PTCHD4: variants seen among roughly 807,000 people sequenced by gnomAD.
PTCHD4 encodes patched domain containing 4.
Under a neutral mutation model 58.1 loss-of-function variants are expected in PTCHD4, and 33 were observed. The observed-to-expected ratio is 0.57, with a 90% CI of 0.43 to 0.76. The LOEUF (loss-of-function observed/expected upper bound fraction) is 0.76. PTCHD4 is among the 30% of genes least tolerant of loss of function. The pLI, the probability that PTCHD4 is intolerant of heterozygous loss-of-function variation, is 0.00. For missense variants in PTCHD4, 1,058 were observed against 1,027.1 expected (o/e 1.03, Z -0.41); for synonymous variants, 478 against 409.6 (o/e 1.17, Z -2.02).
At chr6:47,981,081 C>T (rs777430729) in intron 4 of PTCHD4, among the ~76,000 whole-genome samples, 2 of 152,224 alleles carry the variant, frequency 1.3e-5, no homozygotes, top group South Asian at 4.2e-4. Context: ...GATCACCTGT[C>T]TTTAGCCTTC....
chr6:47,884,508 C>A (rs1581824260), intron 4 of PTCHD4, among the ~76,000 whole-genome samples: 1 of 152,234 alleles, frequency 6.6e-6, no homozygotes. Flanking sequence ...CCCAAAGACA[C>A]TGGTGGCCCA....
chr6:47,892,121 G>T (rs576860440), intron 4 of PTCHD4, among the ~76,000 whole-genome samples: 1 of 152,166 alleles, frequency 6.6e-6, no homozygotes, highest in Non-Finnish European at 1.5e-5. Flanking sequence ...ATTAACATAG[G>T]AGGAGGGAGG....
At position 47,859,372 on chromosome 6, in the gene PTCHD4, G is replaced by A. The variant is rs1014930924; in HGVS notation, c.*18931C>T. 2.6e-5 allele frequency among the ~76,000 whole-genome samples: 4 copies of A among 151,950 alleles called. No individual in the cohort carries two copies. Among genetic ancestry groups the A allele is most frequent in the Admixed American group, 1.3e-4 (2 of 15,234 alleles). On this transcript the variant is annotated 3_prime_UTR_variant, in exon 5 of 5. Coordinates refer to ENST00000339488, the MANE Select transcript of PTCHD4 (RefSeq NM_001384253.1). Reference sequence around the variant, plus strand: ...CTGATAAATATTTAAGGGAGTGCAGGGGTAGATGTTAATATTACCTAGCAA... The same window carrying A: ...CTGATAAATATTTAAGGGAGTGCAGAGGTAGATGTTAATATTACCTAGCAA...
At position 47,879,595 on chromosome 6, in the gene PTCHD4, G is replaced by A. The variant is rs371091755; in HGVS notation, c.1240C>T (p.Arg414Cys). 31 of 1,613,594 alleles carry A rather than the reference G, an allele frequency of 1.9e-5. No individual in the cohort carries two copies. In the African/African-American group the frequency reaches 2.8e-4, roughly 15 times the overall value. Residue 414 changes from arginine (R) to cysteine (C), a missense_variant, in exon 5 of 5, where the codon CGC becomes TGC. Coordinates refer to ENST00000339488, the MANE Select transcript of PTCHD4 (RefSeq NM_001384253.1). Reference protein sequence around the residue: ...CKIPSAEYLDRKPVWFQTVMS... With the variant: ...CKIPSAEYLDCKPVWFQTVMS... ...ACTGTCTGGAACCACACAGGTTTGC[G>A]ATCCAGGTATTCTGCAGAAGGGATC...
chr6:48,015,738 G>C (rs142347498), intron 3 of PTCHD4, among the ~76,000 whole-genome samples: 2 of 151,868 alleles, frequency 1.3e-5, no homozygotes, highest in East Asian at 3.9e-4. Flanking sequence ...TCATTTAATT[G>C]CTCCTTTTTG....
At position 47,865,935 on chromosome 6, in the gene PTCHD4, C is replaced by T. The variant is rs1419284739; in HGVS notation, c.*12368G>A. On this transcript the variant is annotated 3_prime_UTR_variant, in exon 5 of 5. Coordinates refer to ENST00000339488, the MANE Select transcript of PTCHD4 (RefSeq NM_001384253.1). ...ATGTACCCTCAAGCTAAATTGAGTTCGTTGACCCAGGAACATATTCTGTGC... is the reference window on the plus strand; with the variant it reads ...ATGTACCCTCAAGCTAAATTGAGTTTGTTGACCCAGGAACATATTCTGTGC... Among the ~76,000 whole-genome samples the T allele has an allele frequency of 1.3e-5, 2 of 151,856 alleles. No individual in the cohort carries two copies. The highest frequency in any genetic ancestry group is 1.5e-5 in the Non-Finnish European group (1 of 67,884).
rs1485808450 is a variant in PTCHD4 at position 47,873,420 on chromosome 6, A to G, written c.*4883T>C. On this transcript the variant is annotated 3_prime_UTR_variant, in exon 5 of 5. Transcript: ENST00000339488. ...CTGATCTAACTCCACAACACTTCAA[A>G]CACAGAACACCACCTCTTGTGCTCC... Among the ~76,000 whole-genome samples, 3 of 151,680 alleles carry G rather than the reference A, an allele frequency of 2.0e-5. No homozygotes were observed. The East Asian group carries it at 5.8e-4, about 29-fold the overall frequency.
At chr6:48,045,543 C>T (rs1227855381) in intron 3 of PTCHD4, among the ~76,000 whole-genome samples, 1 of 151,740 alleles carries the variant, frequency 6.6e-6, no homozygotes, top group East Asian at 1.9e-4. Flanking sequence ...TTGTTCTTCC[C>T]TTCAGAGCAT....
Position 47,869,543 on chromosome 6 carries a change from A to T in PTCHD4, c.*8760T>A, listed in dbSNP as rs1373272236. ...AAAGTGCTATCTGAATCTTTTAGTA[A>T]TGCTTTAGTAATTTATGTGTTTTAG... On this transcript the variant is annotated 3_prime_UTR_variant, in exon 5 of 5. Coordinates refer to ENST00000339488, the MANE Select transcript of PTCHD4 (RefSeq NM_001384253.1). Among the ~76,000 whole-genome samples, 1 of 151,720 alleles carries T rather than the reference A, an allele frequency of 6.6e-6. No homozygotes were observed. The highest frequency in any genetic ancestry group is 2.4e-5 in the African/African-American group (1 of 41,384).
chr6:48,043,533 T>C (rs919767464), intron 3 of PTCHD4, among the ~76,000 whole-genome samples: 1 of 151,910 alleles, frequency 6.6e-6, no homozygotes, highest in African/African-American at 2.4e-5. Context: ...ATTTGCCCTT[T>C]CTGCAAATTT....
chr6:48,074,647 C>CG (rs1438667969), intron 1 of PTCHD4, among the ~76,000 whole-genome samples: 1 of 152,128 alleles, frequency 6.6e-6, no homozygotes, highest in African/African-American at 2.4e-5. Flanking sequence ...CACATTGTCA[C>CG]GGGGGAGTTT....
intron 3 of PTCHD4, among the ~76,000 whole-genome samples, chr6:48,050,697 G>A (rs1367127617): frequency 3.3e-5 from 5 of 151,948 alleles, no homozygotes; most frequent in Non-Finnish European, 7.4e-5. Flanking sequence ...ACCATTACAT[G>A]GTGGAACTGC....
At position 47,867,467 on chromosome 6, in the gene PTCHD4, A is replaced by G. The variant is rs542167057; in HGVS notation, c.*10836T>C. On this transcript the variant is annotated 3_prime_UTR_variant, in exon 5 of 5. Transcript: ENST00000339488. ...TCACTGCATTTAAGCCCAAGGATAC[A>G]TCATAAAAAGAGCTTTTTCTTTATG... Among the ~76,000 whole-genome samples, 2 of 151,944 alleles carry G rather than the reference A, an allele frequency of 1.3e-5. No homozygotes were observed. Among genetic ancestry groups the G allele is most frequent in the African/African-American group, 4.8e-5 (2 of 41,512 alleles).
chr6:47,897,264 C>T (rs1429476030), intron 4 of PTCHD4, among the ~76,000 whole-genome samples: 1 of 152,162 alleles, frequency 6.6e-6, no homozygotes, highest in African/African-American at 2.4e-5. Flanking sequence ...ATAACACTTG[C>T]TGCAATTTAT....
At chr6:48,063,122 T>C (rs1268060363) in intron 3 of PTCHD4, among the ~76,000 whole-genome samples, 4 of 152,208 alleles carry the variant, frequency 2.6e-5, no homozygotes, top group African/African-American at 9.6e-5. Flanking sequence ...CAAGCTTCTT[T>C]GGCACATAAG....
chr6:48,015,021 T>C (rs1308077377), intron 3 of PTCHD4, among the ~76,000 whole-genome samples: 1 of 152,212 alleles, frequency 6.6e-6, no homozygotes, highest in Non-Finnish European at 1.5e-5. Flanking sequence ...CAATGACTCA[T>C]ACTCGTATAC....
intron 3 of PTCHD4, among the ~76,000 whole-genome samples, chr6:48,059,063 G>A (rs1031743324): frequency 3.9e-5 from 6 of 152,182 alleles, no homozygotes; most frequent in Admixed American, 6.5e-5. Context: ...TAACCCACTA[G>A]CATTTGTTAA....
At chr6:47,992,662 A>G (rs1437683016) in intron 4 of PTCHD4, among the ~76,000 whole-genome samples, 1 of 152,218 alleles carries the variant, frequency 6.6e-6, no homozygotes, top group Non-Finnish European at 1.5e-5. Flanking sequence ...ATCTCTGTAT[A>G]TATATATTTA....
chr6:47,931,347 A>G (rs774993463), intron 4 of PTCHD4, among the ~76,000 whole-genome samples: 1 of 152,214 alleles, frequency 6.6e-6, no homozygotes, highest in South Asian at 2.1e-4. Flanking sequence ...TCAGAGTTAT[A>G]TATGTGTACT....
Sources: gnomAD v4.1 joint callset for allele counts (sites outside exome capture counted in the v4.1 genomes callset) on GRCh38, gnomAD v4.1.1 for gene constraint, MANE v1.5 for transcripts, NCBI Gene and HGNC (gene_info 2026-07-23, HGNC 2026-07-21) for gene names.